The following NPY1R variants were observed in gnomAD, a reference collection of about 807,000 sequenced individuals.
The protein encoded by NPY1R is neuropeptide Y receptor type 1.
In NPY1R, 10 loss-of-function variants were observed where a neutral mutation model predicts 24.1. The observed-to-expected ratio is 0.42, with a 90% confidence interval of 0.26 to 0.71. The LOEUF (loss-of-function observed/expected upper bound fraction) is 0.71. Ranked by LOEUF, NPY1R falls within the 30% of genes least tolerant of loss-of-function variation. The pLI is 0.28. For synonymous variants in NPY1R, 168 were observed against 165.9 expected, an observed-to-expected ratio of 1.01 and a Z score of -0.10; for missense variants, 350 against 458.0, an observed-to-expected ratio of 0.76 and a Z score of 2.15.
chr4:163,331,950 C>T (rs1734739734), intron 1 of NPY1R, among the ~76,000 whole-genome samples: 1 of 152,200 alleles, frequency 6.6e-6, no homozygotes, highest in African/African-American at 2.4e-5. Flanking sequence ...CCGAGGGCTA[C>T]TCCCACCTCC....
chr4:163,328,792 A>G (rs578031990), intron 1 of NPY1R, among the ~76,000 whole-genome samples: 1 of 152,258 alleles, frequency 6.6e-6, no homozygotes, highest in African/African-American at 2.4e-5. Context: ...TCCCACCACC[A>G]ATCCAAACTC....
intron 1 of NPY1R, among the ~76,000 whole-genome samples, chr4:163,329,619 A>G (rs1167418405): frequency 6.6e-6 from 1 of 151,506 alleles, no homozygotes; most frequent in Non-Finnish European, 1.5e-5. Flanking sequence ...AAAAAGAAAG[A>G]GAAACTGGGA....
In NPY1R at chr4:163,325,310, T is replaced by C; in HGVS notation, c.1148A>G (p.Lys383Arg). The change falls in exon 3 of 3, where the codon AAA (lysine) becomes AGA (arginine). Residue 383 changes from lysine to arginine, a missense_variant. Transcript: ENST00000296533. ...CATAGGCTATAAGTAGTTTCAGATTTTTTCATTATCATCATTGTTGTTGAT... is the reference window on the plus strand; with the variant it reads ...CATAGGCTATAAGTAGTTTCAGATTCTTTCATTATCATCATTGTTGTTGAT... ...KKINNNDDNE[K>R]I The C allele has an allele frequency of 6.2e-7, 1 of 1,605,648 alleles. No individual in the cohort carries two copies. The highest frequency in any genetic ancestry group is 8.5e-7 in the Non-Finnish European group (1 of 1,176,352).
chr4:163,340,373 T>C (rs1467941467), intron 1 of NPY1R, among the ~76,000 whole-genome samples: 2 of 151,894 alleles, frequency 1.3e-5, no homozygotes, highest in Non-Finnish European at 2.9e-5. Flanking sequence ...AATGAAGTAC[T>C]GATATGTAAG....
intron 1 of NPY1R, among the ~76,000 whole-genome samples, chr4:163,339,049 C>T (rs1734914773): frequency 6.6e-6 from 1 of 152,184 alleles, no homozygotes; most frequent in South Asian, 2.1e-4. Flanking sequence ...TCTTTCACAG[C>T]CATCCAGTCA....
chr4:163,332,080 C>T (rs1200150441), intron 1 of NPY1R, among the ~76,000 whole-genome samples: 1 of 152,238 alleles, frequency 6.6e-6, no homozygotes, highest in Admixed American at 6.5e-5. Context: ...GCGGCCAGAG[C>T]CAGCGCCTCC....
upstream of NPY1R, among the ~76,000 whole-genome samples, chr4:163,337,495 A>G (rs565299907): frequency 1.6e-4 from 24 of 152,278 alleles, 1 homozygote; most frequent in East Asian, 4.4e-3. Flanking sequence ...TCCTTTTGGC[A>G]ATAGTTCTCC....
At chr4:163,344,547 C>T (rs1160994187) in exon 1 of NPY1R, 1 of 152,292 alleles carries the variant, frequency 6.6e-6, no homozygotes, top group South Asian at 2.1e-4. Context: ...TCAGGCCGTC[C>T]AGCTGCCGCG....
intron 1 of NPY1R, among the ~76,000 whole-genome samples, chr4:163,327,224 C>T (rs1734627203): frequency 6.6e-6 from 1 of 152,120 alleles, no homozygotes; most frequent in Admixed American, 6.6e-5. Flanking sequence ...ACATATTCAA[C>T]AAAAGATGAT....
At position 163,325,279 on chromosome 4, in the gene NPY1R, C is replaced by A. The variant is rs376059612; in HGVS notation, c.*24G>T. 38 of 1,530,492 alleles carry A rather than the reference C, an allele frequency of 2.5e-5. No homozygotes were observed. Among genetic ancestry groups the A allele is most frequent in the East Asian group, 2.3e-4 (10 of 44,392 alleles). The allele number at this position is 1,530,492 out of a possible 1,614,324, so 94.8% of individuals were successfully genotyped here. A position where few individuals can be genotyped will look rare whatever the true frequency, so the allele number is the denominator to read the frequency against. ...TGCTTGTTTTTAAACAGATGTCATC[C>A]GGGACCATAGGCTATAAGTAGTTTC... is the stretch of plus-strand genomic sequence containing the variant. On this transcript the variant is annotated 3_prime_UTR_variant, in exon 3 of 3. Coordinates refer to ENST00000296533, the MANE Select transcript of NPY1R (RefSeq NM_000909.6).
upstream of NPY1R, among the ~76,000 whole-genome samples, chr4:163,336,772 C>T (rs1162746561): frequency 6.6e-6 from 1 of 152,130 alleles, no homozygotes; most frequent in African/African-American, 2.4e-5. Context: ...ACCAGCCTGG[C>T]CAACAAGGTG....
chr4:163,340,309 CATAT>C (rs142056779), intron 1 of NPY1R, among the ~76,000 whole-genome samples: 5 of 147,524 alleles, frequency 3.4e-5, no homozygotes, highest in African/African-American at 7.4e-5. Context: ...TCTTCTTGTA[CATAT>C]ATATATATAT....
At chr4:163,342,977 CACAG>C (rs1199117101) in intron 1 of NPY1R, among the ~76,000 whole-genome samples, 20 of 57,398 alleles carry the variant, frequency 3.5e-4, no homozygotes, top group Middle Eastern at 8.3e-3. Context: ...CTCTCTCTCT[CACAG>C]ACACACACAC....
At chr4:163,329,040 T>C (rs1337274874) in intron 1 of NPY1R, among the ~76,000 whole-genome samples, 1 of 152,160 alleles carries the variant, frequency 6.6e-6, no homozygotes, top group Admixed American at 6.5e-5. Flanking sequence ...ACAGGCAAAA[T>C]GTATGCTAAT....
At chr4:163,334,040 A>G (rs893995170), upstream of NPY1R, among the ~76,000 whole-genome samples, 16 of 152,104 alleles carry the variant, frequency 1.1e-4, no homozygotes, top group East Asian at 3.8e-4. Flanking sequence ...CCAAGGCACA[A>G]TAATTTTTAC....
Position 163,325,308 on chromosome 4 carries a change from T to C in NPY1R, c.1150A>G (p.Ile384Val). Residue 384 changes from isoleucine to valine, a missense_variant, in exon 3 of 3, where the codon ATC (isoleucine) becomes GTC (valine). Ile to Val is a conservative substitution (Grantham distance 29, BLOSUM62 3). Transcript: ENST00000296533. ...ACCATAGGCTATAAGTAGTTTCAGA[T>C]TTTTTCATTATCATCATTGTTGTTG... The part of the protein sequence containing the change: ...KINNNDDNEK[I>V] 1.9e-6 allele frequency: 3 copies of C among 1,605,474 alleles called. No homozygotes were observed. The highest frequency in any genetic ancestry group is 2.6e-6 in the Non-Finnish European group (3 of 1,176,164).
chr4:163,325,461 A>G lies in NPY1R; in HGVS notation c.997T>C (p.Phe333Leu). ...LNKNFQRDLQ[F>L]FFNFCDFRSR... Reference sequence around the variant, plus strand: ...CGGAAATCACAAAAGTTGAAGAAGAACTGCAAGTCTCTCTGGAAGTTTTTG... The same window carrying G: ...CGGAAATCACAAAAGTTGAAGAAGAGCTGCAAGTCTCTCTGGAAGTTTTTG... The change falls in exon 3 of 3, where the codon TTC becomes CTC. Residue 333 changes from phenylalanine to leucine, a missense_variant. Phe to Leu is a conservative substitution (Grantham distance 22). Coordinates refer to ENST00000296533, the MANE Select transcript of NPY1R (RefSeq NM_000909.6). 2 of 1,614,148 alleles carry G rather than the reference A, an allele frequency of 1.2e-6. No homozygotes were observed. The highest frequency in any genetic ancestry group is 1.7e-6 in the Non-Finnish European group (2 of 1,179,992).
chr4:163,339,833 C>T (rs1734934629), intron 1 of NPY1R, among the ~76,000 whole-genome samples: 1 of 152,084 alleles, frequency 6.6e-6, no homozygotes, highest in Admixed American at 6.5e-5. Context: ...AATATGGACC[C>T]TACTTCCTTT....
chr4:163,338,288 T>G (rs1225944400), intron 1 of NPY1R, among the ~76,000 whole-genome samples: 1 of 152,214 alleles, frequency 6.6e-6, no homozygotes, highest in Non-Finnish European at 1.5e-5. Flanking sequence ...CGCATCTAAT[T>G]GCTCTAAATA....
Sources: gnomAD v4.1 joint callset for allele counts (sites outside exome capture counted in the v4.1 genomes callset) on GRCh38, gnomAD v4.1.1 for gene constraint, MANE v1.5 for transcripts, NCBI Gene and HGNC (gene_info 2026-07-23, HGNC 2026-07-21) for gene names.